The following ZDHHC13 variants were observed in gnomAD, a reference collection of about 807,000 sequenced individuals.
ZDHHC13 encodes the protein zDHHC palmitoyltransferase 13, also known as palmitoyltransferase ZDHHC13.
ZDHHC13 carries 85 observed loss-of-function variants against 86.0 expected under a neutral mutation model. The observed-to-expected ratio is 0.99, with a 90% CI of 0.83 to 1.18. The LOEUF is 1.18. Among genes scored for constraint, ZDHHC13 ranks in the 50% most tolerant of loss-of-function variants. ZDHHC13 has a pLI of 0.00. For synonymous variants in ZDHHC13, 263 were observed against 246.4 expected (o/e 1.07, Z -0.63); for missense variants, 711 against 730.2 (o/e 0.97, Z 0.30).
At chr11:19,170,823 T>C (rs112686484) in intron 15 of ZDHHC13, among the ~76,000 whole-genome samples, 1,753 of 152,284 alleles carry the variant, frequency 0.012, 39 homozygotes, top group African/African-American at 0.04. Context: ...GAGTATGACC[T>C]AGGAGTTACC....
chr11:19,131,899 G>T (rs1849009632), intron 1 of ZDHHC13, among the ~76,000 whole-genome samples: 1 of 152,206 alleles, frequency 6.6e-6, no homozygotes, highest in African/African-American at 2.4e-5. Flanking sequence ...CTCCCAAAGT[G>T]CTGGGATTAC....
intron 1 of ZDHHC13, among the ~76,000 whole-genome samples, chr11:19,138,494 A>G (rs1849212995): frequency 6.6e-6 from 1 of 151,778 alleles, no homozygotes; most frequent in African/African-American, 2.4e-5. Context: ...ACAAGGAGGA[A>G]CTGGTACCAT....
At chr11:19,144,400 G>T (rs986141884) in intron 2 of ZDHHC13, among the ~76,000 whole-genome samples, 14 of 151,442 alleles carry the variant, frequency 9.2e-5, no homozygotes, top group Non-Finnish European at 4.4e-5. Context: ...GGACCTGTAG[G>T]TAGTATCTGG....
chr11:19,126,861 T>G (rs1848890278), intron 1 of ZDHHC13, among the ~76,000 whole-genome samples: 1 of 152,184 alleles, frequency 6.6e-6, no homozygotes, highest in African/African-American at 2.4e-5. Flanking sequence ...AGTTTGTCAT[T>G]GATGGGCATT....
chr11:19,139,235 C>T (rs1365129354), intron 1 of ZDHHC13, among the ~76,000 whole-genome samples: 53 of 152,110 alleles, frequency 3.5e-4, no homozygotes, highest in Admixed American at 1.0e-3. Flanking sequence ...ACAAAATCAA[C>T]GTACAAAAAT....
Position 19,145,842 on chromosome 11 carries a change from C to G in ZDHHC13, c.174-339C>G, listed in dbSNP as rs189571396. ...ATTATTGCATGGGCTTGGTTTGATT[C>G]AGGGGTAAGATTATTGTCAGGAATT... On this transcript the variant is annotated intron_variant, in intron 2 of 16. Coordinates refer to ENST00000446113, the MANE Select transcript of ZDHHC13 (RefSeq NM_019028.3). Among the ~76,000 whole-genome samples, 174 of 152,166 alleles carry G rather than the reference C, an allele frequency of 1.1e-3. 1 individual carries two copies. The Middle Eastern group carries it at 0.02, about 18-fold the overall frequency.
chr11:19,163,318 C>T lies in ZDHHC13; in HGVS notation c.1124C>T (p.Pro375Leu), dbSNP rs1849963072. The T allele has an allele frequency of 1.3e-6, 2 of 1,585,528 alleles. No individual in the cohort carries two copies. Among genetic ancestry groups the T allele is most frequent in the African/African-American group, 1.4e-5 (1 of 73,114 alleles). ...TGGCTTTAACATTTAGCAGGAGCCC[C>T]TTTCTATTTCAGTTTCATTTTCAGC... ...ILFFPDLAGA[P>L]FYFSFIFSIV... Residue 375 changes from proline to leucine, a missense_variant, in exon 11 of 17, where the codon CCT becomes CTT. Transcript: ENST00000446113.
rs1185212741 is a variant in ZDHHC13, at chr11:19,149,223, G to A, written c.411G>A (p.Gln137=). 1.2e-6 allele frequency: 2 copies of A among 1,601,472 alleles called. No homozygotes were observed. The highest frequency in any genetic ancestry group is 1.7e-5 in the Admixed American group (1 of 59,054). The change falls in exon 5 of 17, where the codon CAG becomes CAA. Residue 137 remains glutamine, a synonymous_variant. Coordinates refer to ENST00000446113, the MANE Select transcript of ZDHHC13 (RefSeq NM_019028.3). The stretch of plus-strand genomic sequence containing the variant: ...TACCTATGGTCATATTATTACTCCA[G>A]CATGGTGCAGACCCCACTCTTATTG... ...GHLPMVILLL[Q]HGADPTLIDG...
Position 19,154,187 on chromosome 11 carries a change from G to A in ZDHHC13, c.873+1503G>A, listed in dbSNP as rs1346061790. Among the ~76,000 whole-genome samples, 3 of 152,112 alleles carry A rather than the reference G, an allele frequency of 2.0e-5. 1 individual carries two copies. The highest frequency in any genetic ancestry group is 1.3e-4 in the Admixed American group (2 of 15,262). ...CCAGCTAGAATTTAAGTGAGAAAAAGATCTTAAGTTCATTGATGTGTCCCA... is the reference window on the plus strand; with the variant it reads ...CCAGCTAGAATTTAAGTGAGAAAAAAATCTTAAGTTCATTGATGTGTCCCA... On this transcript the variant is annotated intron_variant, in intron 8 of 16. Coordinates refer to ENST00000446113, the MANE Select transcript of ZDHHC13 (RefSeq NM_019028.3).
At chr11:19,123,447 C>T (rs150385246) in intron 1 of ZDHHC13, among the ~76,000 whole-genome samples, 13 of 151,784 alleles carry the variant, frequency 8.6e-5, no homozygotes, top group African/African-American at 1.7e-4. Flanking sequence ...GGCAACATAA[C>T]GAGACCAGTC....
intron 15 of ZDHHC13, among the ~76,000 whole-genome samples, chr11:19,172,051 G>A (rs1850235055): frequency 6.6e-6 from 1 of 152,036 alleles, no homozygotes; most frequent in Non-Finnish European, 1.5e-5. Context: ...CTCTGCATTA[G>A]GTATTTGATT....
chr11:19,143,025 T>C lies in ZDHHC13; in HGVS notation c.75T>C (p.Tyr25=), dbSNP rs780563238. The change falls in exon 2 of 17, where the codon TAT becomes TAC. Residue 25 remains tyrosine (Y), a synonymous_variant. Coordinates refer to ENST00000446113, the MANE Select transcript of ZDHHC13 (RefSeq NM_019028.3). The part of the protein sequence containing the change: ...HGPHPPGFGR[Y]GICAHENKEL... The stretch of plus-strand genomic sequence containing the variant: ...CCCACCCTCCAGGATTTGGTCGATA[T>C]GGCATCTGTGCACATGAAAACAAAG... The C allele has an allele frequency of 3.1e-6, 5 of 1,612,548 alleles. No homozygotes were observed. The South Asian group carries it at 3.3e-5, about 11-fold the overall frequency.
chr11:19,127,062 C>T (rs1848894839), intron 1 of ZDHHC13, among the ~76,000 whole-genome samples: 1 of 152,172 alleles, frequency 6.6e-6, no homozygotes, highest in African/African-American at 2.4e-5. Context: ...AACTAATTTT[C>T]ACTCCCATCA....
chr11:19,126,342 C>T lies in ZDHHC13; in HGVS notation c.27+9066C>T, dbSNP rs372683048. On this transcript the variant is annotated intron_variant, in intron 1 of 16. Coordinates refer to ENST00000446113, the MANE Select transcript of ZDHHC13 (RefSeq NM_019028.3). ...CTTCTTCTTTTTTTCTTTTCTTTTT[C>T]TTTTTTTTTTTTGCAGTGGAGTCTT... Among the ~76,000 whole-genome samples, 6 of 135,578 alleles carry T rather than the reference C, an allele frequency of 4.4e-5. 1 individual carries two copies. Among genetic ancestry groups the T allele is most frequent in the South Asian group, 4.7e-4 (2 of 4,260 alleles). 88.9% of individuals were successfully genotyped at this position (135,578 alleles called of 152,430 possible).
intron 5 of ZDHHC13, among the ~76,000 whole-genome samples, chr11:19,149,561 A>C (rs1423341056): frequency 6.6e-6 from 1 of 152,206 alleles, no homozygotes; most frequent in Non-Finnish European, 1.5e-5. Context: ...TGAAACTTGT[A>C]AGCTGGTAAT....
At chr11:19,158,862 C>T (rs1442406522) in intron 9 of ZDHHC13, 78 bp from the exon 10 acceptor site, 7 of 928,454 alleles carry the variant, frequency 7.5e-6, no homozygotes, top group Admixed American at 2.9e-5. Context: ...TTATTACTAC[C>T]ATTATTATTT....
intron 12 of ZDHHC13, chr11:19,164,820 T>C: frequency 1.9e-6 from 1 of 522,806 alleles, no homozygotes; most frequent in Non-Finnish European, 3.4e-6. Flanking sequence ...TCATTTCTGC[T>C]TAGCCAGTGT....
rs1183062446 is a variant in ZDHHC13, at chr11:19,146,320, G to A, written c.296+17G>A. 1.9e-6 allele frequency: 3 copies of A among 1,600,970 alleles called. No homozygotes were observed. The highest frequency in any genetic ancestry group is 1.4e-5 in the African/African-American group (1 of 74,006). On this transcript the variant is annotated intron_variant, in intron 3 of 16. Coordinates refer to ENST00000446113, the MANE Select transcript of ZDHHC13 (RefSeq NM_019028.3). ...TCTTGTAAAGTAAGATGGGATATGT[G>A]TGTTAATTGTGTATTTATAATTTTA...
At chr11:19,173,522 C>T (rs750138023) in intron 16 of ZDHHC13, among the ~76,000 whole-genome samples, 1 of 152,144 alleles carries the variant, frequency 6.6e-6, no homozygotes. Flanking sequence ...ATCTCATGAG[C>T]AGTCTATTTT....
Sources: gnomAD v4.1 joint callset for allele counts (sites outside exome capture counted in the v4.1 genomes callset) on GRCh38, gnomAD v4.1.1 for gene constraint, MANE v1.5 for transcripts, NCBI Gene and HGNC (gene_info 2026-07-23, HGNC 2026-07-21) for gene names.